Variants in RGS21 observed in about 807,000 individuals in gnomAD.
RGS21 encodes regulator of G protein signaling 21.
In RGS21, 19 loss-of-function variants were observed where a neutral mutation model predicts 18.7. The ratio of observed to expected loss-of-function variants is 1.01; its 90% CI spans 0.71 to 1.49. RGS21 has a LOEUF of 1.49. Ranked by LOEUF, RGS21 falls within the 40% of genes most tolerant of loss-of-function variation. The probability of loss-of-function intolerance (pLI) is 0.00; values close to 1 mark genes in which losing one functional copy is unlikely to be tolerated. For missense variants in RGS21, 194 were observed against 176.8 expected, an observed-to-expected ratio of 1.10 and a Z score of -0.55; for synonymous variants, 56 against 57.8, an observed-to-expected ratio of 0.97 and a Z score of 0.14.
intron 1 of RGS21, among the ~76,000 whole-genome samples, chr1:192,321,767 A>G (rs1026049863): frequency 2.0e-5 from 3 of 152,052 alleles, no homozygotes; most frequent in Non-Finnish European, 2.9e-5. Context: ...TATTAAAAAG[A>G]GCCCTGATCT....
chr1:192,328,190 A>C (rs1439434243), intron 1 of RGS21, among the ~76,000 whole-genome samples: 1 of 152,204 alleles, frequency 6.6e-6, no homozygotes, highest in Non-Finnish European at 1.5e-5. Flanking sequence ...ATCACCACAT[A>C]TGCATGCCAG....
chr1:192,347,054 C>T (rs953782100), intron 2 of RGS21, among the ~76,000 whole-genome samples: 2 of 152,002 alleles, frequency 1.3e-5, no homozygotes, highest in Non-Finnish European at 2.9e-5. Context: ...ATCTTTTATG[C>T]CTTTATTAGA....
intron 1 of RGS21, among the ~76,000 whole-genome samples, chr1:192,338,973 A>G (rs1374442047): frequency 1.3e-5 from 2 of 151,978 alleles, no homozygotes; most frequent in Non-Finnish European, 2.9e-5. Flanking sequence ...TAGTTATGCA[A>G]CCCTAAGCAA....
chr1:192,322,389 G>T (rs1658509711), intron 1 of RGS21, among the ~76,000 whole-genome samples: 2 of 152,060 alleles, frequency 1.3e-5, no homozygotes, highest in African/African-American at 2.4e-5. Context: ...CTCTTAGGAA[G>T]AAATTTACAA....
intron 4 of RGS21, among the ~76,000 whole-genome samples, chr1:192,357,595 C>A (rs1168927410): frequency 6.6e-6 from 1 of 151,620 alleles, no homozygotes; most frequent in Non-Finnish European, 1.5e-5. Flanking sequence ...AATGATGAGC[C>A]CTGCAGTCAT....
intron 4 of RGS21, among the ~76,000 whole-genome samples, chr1:192,362,515 T>C (rs1253089598): frequency 6.6e-6 from 1 of 152,228 alleles, no homozygotes; most frequent in South Asian, 2.1e-4. Context: ...CCTATGTTTC[T>C]AGCTTGAACA....
chr1:192,344,737 T>C (rs990074399), intron 2 of RGS21, among the ~76,000 whole-genome samples: 1 of 152,050 alleles, frequency 6.6e-6, no homozygotes, highest in African/African-American at 2.4e-5. Flanking sequence ...TCTTTCAACA[T>C]CTCAGATAGT....
At chr1:192,321,790 A>G (rs1312314268) in intron 1 of RGS21, among the ~76,000 whole-genome samples, 1 of 152,068 alleles carries the variant, frequency 6.6e-6, no homozygotes, top group Non-Finnish European at 1.5e-5. Flanking sequence ...AGAGAATATG[A>G]TATTTGAGTC....
At chr1:192,353,881 G>A (rs1450698131) in intron 4 of RGS21, among the ~76,000 whole-genome samples, 1 of 151,430 alleles carries the variant, frequency 6.6e-6, no homozygotes, top group Non-Finnish European at 1.5e-5. Context: ...ATAAATTATA[G>A]TCTTTCCTTG....
In RGS21 at chr1:192,336,746, TA is replaced by T. The variant is rs80272749; in HGVS notation, c.-60-6222del. On this transcript the variant is annotated intron_variant, in intron 1 of 4. Coordinates refer to ENST00000417209, the MANE Select transcript of RGS21 (RefSeq NM_001039152.3). ...TTAATTGCCATTTTTCCTTCTCCAT[TA>T]AAAAAAAATGAAGTTTACAAGTTAA... Among the ~76,000 whole-genome samples the T allele has an allele frequency of 5.3e-3, 790 of 149,432 alleles. 7 individuals carry two copies. Among genetic ancestry groups the T allele is most frequent in the African/African-American group, 0.018 (756 of 40,866 alleles).
chr1:192,332,160 G>T (rs551512906), intron 1 of RGS21, among the ~76,000 whole-genome samples: 1 of 152,100 alleles, frequency 6.6e-6, no homozygotes, highest in South Asian at 2.1e-4. Flanking sequence ...AATTCCAAGA[G>T]CTGAACATAA....
At chr1:192,339,043 A>G (rs1432345323) in intron 1 of RGS21, among the ~76,000 whole-genome samples, 1 of 152,030 alleles carries the variant, frequency 6.6e-6, no homozygotes, top group African/African-American at 2.4e-5. Flanking sequence ...AAAAATATTG[A>G]CTATCTCATA....
chr1:192,321,755 T>G (rs1658501017), intron 1 of RGS21, among the ~76,000 whole-genome samples: 2 of 152,024 alleles, frequency 1.3e-5, no homozygotes, highest in Admixed American at 6.6e-5. Context: ...CACTCTTTGA[T>G]GTATTAAAAA....
chr1:192,330,567 A>C (rs528885590), intron 1 of RGS21, among the ~76,000 whole-genome samples: 27 of 152,328 alleles, frequency 1.8e-4, no homozygotes, highest in Non-Finnish European at 3.5e-4. Flanking sequence ...GGGCAAAAAA[A>C]CAAAATGAGA....
chr1:192,330,712 GGAGTTGGA>G (rs911408469), intron 1 of RGS21, among the ~76,000 whole-genome samples: 9 of 152,178 alleles, frequency 5.9e-5, no homozygotes, highest in Non-Finnish European at 1.2e-4. Flanking sequence ...GAATGTTGCT[GGAGTTGGA>G]GAGTTATAGA....
At chr1:192,349,218 A>C (rs891895750) in intron 3 of RGS21, among the ~76,000 whole-genome samples, 2 of 152,152 alleles carry the variant, frequency 1.3e-5, no homozygotes, top group African/African-American at 2.4e-5. Flanking sequence ...GAGGAGAGGC[A>C]GGAAGGGTGA....
intron 1 of RGS21, among the ~76,000 whole-genome samples, chr1:192,325,382 G>A (rs1459481556): frequency 2.0e-5 from 3 of 151,990 alleles, no homozygotes; most frequent in African/African-American, 4.8e-5. Context: ...GGACATCTTG[G>A]TTGAGTACCC....
chr1:192,334,239 A>C (rs138613629), intron 1 of RGS21, among the ~76,000 whole-genome samples: 7 of 152,280 alleles, frequency 4.6e-5, no homozygotes, highest in African/African-American at 1.7e-4. Context: ...ATTAATTTAA[A>C]GAGCGTACTT....
intron 1 of RGS21, among the ~76,000 whole-genome samples, chr1:192,326,944 G>A (rs1321213706): frequency 6.6e-6 from 1 of 152,068 alleles, no homozygotes; most frequent in African/African-American, 2.4e-5. Flanking sequence ...CACACACAAA[G>A]TTCTAGGGCT....
Sources: allele counts gnomAD v4.1 joint callset (sites outside exome capture counted in the v4.1 genomes callset), GRCh38; gene constraint gnomAD v4.1.1; transcripts MANE v1.5; gene names NCBI Gene and HGNC (gene_info 2026-07-23, HGNC 2026-07-21).